ASIC2: variants seen among roughly 807,000 people sequenced by gnomAD.
ASIC2 encodes acid-sensing ion channel 2.
In ASIC2, 25 loss-of-function variants were observed where a neutral mutation model predicts 57.3. The observed-to-expected ratio is 0.44, with a 90% CI of 0.32 to 0.61. ASIC2 has a LOEUF of 0.61. ASIC2 is among the 20% of genes least tolerant of loss of function. The probability of loss-of-function intolerance (pLI) is 0.06; values close to 1 mark genes in which losing one functional copy is unlikely to be tolerated. For synonymous variants in ASIC2, 319 were observed against 307.5 expected, an observed-to-expected ratio of 1.04 and a Z score of -0.39; for missense variants, 641 against 738.1, an observed-to-expected ratio of 0.87 and a Z score of 1.52.
At chr17:33,022,409 A>G (rs2091840008) in intron 6 of ASIC2, among the ~76,000 whole-genome samples, 1 of 152,202 alleles carries the variant, frequency 6.6e-6, no homozygotes, top group Non-Finnish European at 1.5e-5. Flanking sequence ...ATCATCACAC[A>G]GCATTCGTCC....
At chr17:33,782,078 C>T (rs1454628260) in intron 1 of ASIC2, among the ~76,000 whole-genome samples, 2 of 152,126 alleles carry the variant, frequency 1.3e-5, no homozygotes, top group East Asian at 1.9e-4. Context: ...TTTGTCTGAT[C>T]GGTGGTTTGC....
At chr17:33,050,047 G>T (rs1046731317) in intron 3 of ASIC2, among the ~76,000 whole-genome samples, 6 of 152,200 alleles carry the variant, frequency 3.9e-5, no homozygotes, top group Non-Finnish European at 8.8e-5. Flanking sequence ...TGTTAGGAAA[G>T]AAAATGCTAT....
intron 1 of ASIC2, among the ~76,000 whole-genome samples, chr17:33,886,859 G>A (rs949329214): frequency 2.0e-5 from 3 of 152,036 alleles, no homozygotes; most frequent in Admixed American, 2.0e-4. Context: ...ATCAAAATCT[G>A]CATTTGAACA....
chr17:33,085,587 G>A (rs571580750), intron 3 of ASIC2, among the ~76,000 whole-genome samples: 60 of 152,308 alleles, frequency 3.9e-4, no homozygotes, highest in African/African-American at 1.3e-3. Context: ...CAGAGACTGC[G>A]TCTCTTTTGT....
At position 33,023,934 on chromosome 17, in the gene ASIC2, T is replaced by C; in HGVS notation, c.1276A>G (p.Met426Val). The change falls in exon 6 of 10, where the codon ATG becomes GTG. Residue 426 changes from methionine to valine, a missense_variant. Around this residue, in one of 3 missense-constraint regions of ASIC2, gnomAD observed 252 missense variants for 319.8 expected, o/e 0.79. Transcript: ENST00000225823. ...NLTRYNKELS[M>V]VKIPSKTSAK... ...GATGTCTTGCTGGGGATCTTCACCA[T>C]GGAGAGCTCTTTGTTGTAGCGGGTT... 5.6e-6 allele frequency: 9 copies of C among 1,614,226 alleles called. No homozygotes were observed. Among genetic ancestry groups the C allele is most frequent in the South Asian group, 1.1e-5 (1 of 91,090 alleles).
intron 1 of ASIC2, among the ~76,000 whole-genome samples, chr17:33,688,109 G>A (rs1393105947): frequency 5.9e-5 from 9 of 152,160 alleles, no homozygotes; most frequent in Admixed American, 4.6e-4. Flanking sequence ...GGTGGCCTGA[G>A]GGTTAATTGG....
rs541592977 is a variant in ASIC2, at chr17:33,153,495, T to C, written c.709-41428A>G. On this transcript the variant is annotated intron_variant, in intron 1 of 9. Transcript: ENST00000225823. ...GTGCTTACTATGGTCTCTACACTCA[T>C]GAACACATTCCAGTCTTTGGAAAGT... 5.3e-5 allele frequency among the ~76,000 whole-genome samples: 8 copies of C among 152,356 alleles called. No homozygotes were observed. The South Asian group carries it at 1.2e-3, about 24-fold the overall frequency.
chr17:33,476,647 G>T (rs763069395), intron 1 of ASIC2, among the ~76,000 whole-genome samples: 6 of 151,542 alleles, frequency 4.0e-5, no homozygotes, highest in African/African-American at 4.9e-5. Context: ...CTTCCAAGAG[G>T]GGGTGCAGCT....
intron 1 of ASIC2, among the ~76,000 whole-genome samples, chr17:33,127,898 T>C (rs982781359): frequency 6.6e-6 from 1 of 152,228 alleles, no homozygotes; most frequent in African/African-American, 2.4e-5. Flanking sequence ...TGGCATATTG[T>C]TGAGAAATCA....
At chr17:33,311,521 T>G (rs1010641616) in intron 1 of ASIC2, among the ~76,000 whole-genome samples, 71 of 152,194 alleles carry the variant, frequency 4.7e-4, no homozygotes, top group African/African-American at 1.7e-3. Context: ...CAGTTTCTTC[T>G]GAGCATATAT....
Position 33,408,973 on chromosome 17 carries a change from G to C in ASIC2, c.556-296906C>G, listed in dbSNP as rs149714708. 6.9e-3 allele frequency among the ~76,000 whole-genome samples: 1,051 copies of C among 152,310 alleles called. 9 individuals are homozygous for C. The highest frequency in any genetic ancestry group is 0.023 in the African/African-American group (959 of 41,566). On this transcript the variant is annotated intron_variant, in intron 1 of 9. Coordinates refer to the ASIC2 transcript ENST00000359872. ...CCATGCCTGTAATCCCAGACCCTTGGGGGGCTGAGGTGGGTGGATCGTTTG... is the reference window on the plus strand; with the variant it reads ...CCATGCCTGTAATCCCAGACCCTTGCGGGGCTGAGGTGGGTGGATCGTTTG...
intron 1 of ASIC2, among the ~76,000 whole-genome samples, chr17:34,123,490 G>A (rs548739484): frequency 6.6e-6 from 1 of 152,268 alleles, no homozygotes; most frequent in African/African-American, 2.4e-5. Context: ...CAGCAGTGGG[G>A]GTACCCTGGG....
At chr17:33,389,011 G>A (rs997247511) in intron 1 of ASIC2, among the ~76,000 whole-genome samples, 1 of 152,184 alleles carries the variant, frequency 6.6e-6, no homozygotes, top group Non-Finnish European at 1.5e-5. Context: ...CCAGGCTGGA[G>A]TGCAGTGGCA....
At chr17:33,916,761 C>T (rs1235799409) in intron 1 of ASIC2, among the ~76,000 whole-genome samples, 1 of 152,186 alleles carries the variant, frequency 6.6e-6, no homozygotes, top group Non-Finnish European at 1.5e-5. Flanking sequence ...AGAGATGCCA[C>T]TAGCAGAGGA....
At chr17:33,042,918 C>T in intron 3 of ASIC2, among the ~76,000 whole-genome samples, 1 of 151,968 alleles carries the variant, frequency 6.6e-6, no homozygotes, top group East Asian at 1.9e-4. Context: ...GCCGATTAAA[C>T]ATTATCCCTG....
intron 1 of ASIC2, among the ~76,000 whole-genome samples, chr17:33,511,514 C>T (rs1335781471): frequency 1.3e-5 from 2 of 152,156 alleles, no homozygotes; most frequent in Admixed American, 1.3e-4. Context: ...GAGTCATCTT[C>T]TATTTCTCCC....
At chr17:33,444,805 T>G (rs556582550) in intron 1 of ASIC2, among the ~76,000 whole-genome samples, 1 of 152,320 alleles carries the variant, frequency 6.6e-6, no homozygotes, top group African/African-American at 2.4e-5. Flanking sequence ...CAGCCCTAAC[T>G]TGACCATAAA....
intron 1 of ASIC2, among the ~76,000 whole-genome samples, chr17:33,782,560 C>G (rs1389446711): frequency 6.6e-6 from 1 of 152,046 alleles, no homozygotes; most frequent in Non-Finnish European, 1.5e-5. Flanking sequence ...AACCTTGTCT[C>G]TACTAAAAAA....
At chr17:34,038,971 G>A (rs1907995327) in intron 1 of ASIC2, 4 of 1,613,914 alleles carry the variant, frequency 2.5e-6, no homozygotes, top group African/African-American at 1.3e-5. Context: ...CGTGTCGGAC[G>A]TAGTAAAGTA....
Sources: gnomAD v4.1 joint callset for allele counts (sites outside exome capture counted in the v4.1 genomes callset) on GRCh38, gnomAD v4.1.1 for gene constraint, gnomAD v4.1.1 regional missense constraint, MANE v1.5 for transcripts, NCBI Gene and HGNC (gene_info 2026-07-23, HGNC 2026-07-21) for gene names.